The following SLC4A11 variants were observed in gnomAD, a reference collection of about 807,000 sequenced individuals.
The protein encoded by SLC4A11 is bicarbonate transporter related protein 1.
SLC4A11 carries 74 observed loss-of-function variants against 95.0 expected under a neutral mutation model. The ratio of observed to expected loss-of-function variants is 0.78; its 90% CI spans 0.65 to 0.95. SLC4A11 has a LOEUF of 0.95. Among genes scored for constraint, SLC4A11 ranks in the 40% least tolerant of loss-of-function variants. The probability of loss-of-function intolerance (pLI) is 0.00; values close to 1 mark genes in which losing one functional copy is unlikely to be tolerated. For synonymous variants in SLC4A11, 548 were observed against 519.0 expected (o/e 1.06, Z -0.76); for missense variants, 1,081 against 1,192.4 (o/e 0.91, Z 1.38).
At chr20:3,238,827 T>C in intron 1 of SLC4A11, 1 of 1,184,596 alleles carries the variant, frequency 8.4e-7, no homozygotes. Flanking sequence ...CTCGACCCGC[T>C]GCATCAGCTG....
intron 12 of SLC4A11, 67 bp from the exon 13 acceptor site, chr20:3,230,327 G>C: frequency 2.5e-6 from 4 of 1,591,116 alleles, no homozygotes; most frequent in South Asian, 2.2e-5. Context: ...AGGCCTCCCT[G>C]AGCCCCTGCA....
At chr20:3,236,537 C>T (rs949365294) in intron 2 of SLC4A11, among the ~76,000 whole-genome samples, 8 of 151,606 alleles carry the variant, frequency 5.3e-5, no homozygotes, top group Middle Eastern at 3.4e-3. Context: ...TGCAGTGAGC[C>T]GAGATCACAC....
At position 3,229,369 on chromosome 20, in the gene SLC4A11, G is replaced by T. The variant is rs768758410; in HGVS notation, c.1826C>A (p.Ser609Tyr). The T allele has an allele frequency of 6.2e-7, 1 of 1,613,344 alleles. No homozygotes were observed. The highest frequency in any genetic ancestry group is 1.1e-5 in the South Asian group (1 of 91,084). ...ACTCTCGATTTCCCGGAAGCCATGG[G>T]AGCTGATGAGGGAGAAGGCGAGCAC... ...IAVLAFSLIS[S>Y]HGFREIEMSK... Residue 609 changes from serine to tyrosine, a missense_variant, in exon 15 of 20, where the codon TCC becomes TAC. By Grantham distance (144) the Ser-to-Tyr change is moderately radical. Transcript: ENST00000642402.
In SLC4A11 at chr20:3,229,778, T is replaced by C. The variant is rs1430176022; in HGVS notation, c.1490-2A>G. The C allele has an allele frequency of 1.2e-6, 2 of 1,613,710 alleles. No individual in the cohort carries two copies. Among genetic ancestry groups the C allele is most frequent in the Non-Finnish European group, 8.5e-7 (1 of 1,179,982 alleles). On this transcript the variant is annotated splice_acceptor_variant, in intron 13 of 19. Transcript: ENST00000642402. LOFTEE classifies it high-confidence loss of function. ...GCCCATAGTAGTACTTCCAGAAGACTGTGGACACACACCCACAGGCCTCAG... is the reference window on the plus strand; with the variant it reads ...GCCCATAGTAGTACTTCCAGAAGACCGTGGACACACACCCACAGGCCTCAG...
At chr20:3,228,154 ATTCT>A in intron 19 of SLC4A11, 101 bp downstream of exon 19, 10 of 122,218 alleles carry the variant, frequency 8.2e-5, no homozygotes, top group Non-Finnish European at 1.6e-4. Context: ...CAACCCGCCC[ATTCT>A]CCGCCCCTAG....
Position 3,234,816 on chromosome 20 carries a change from T to G in SLC4A11, c.167A>C (p.Asn56Thr), listed in dbSNP as rs778688114. Reference sequence around the variant, plus strand: ...ACTCTCGCCAGACACGATGGAGGAGTTGGCAGTGTCGAAGGCCTCATCCCC... The same window carrying G: ...ACTCTCGCCAGACACGATGGAGGAGGTGGCAGTGTCGAAGGCCTCATCCCC... The part of the protein sequence containing the change: ...ILGDEAFDTA[N>T]SSIVSGESIR... The change falls in exon 3 of 20, where the codon AAC (asparagine) becomes ACC (threonine). Residue 56 changes from asparagine (N) to threonine (T), a missense_variant. Asn to Thr is a moderately conservative substitution (Grantham distance 65). Transcript: ENST00000642402. This position sits in a 1 kb window ranked among gnomAD's most constrained non-coding sequence, Gnocchi z 5.8. 2.3e-5 allele frequency: 37 copies of G among 1,612,930 alleles called. No homozygotes were observed. The East Asian group carries it at 2.7e-4, about 12-fold the overall frequency.
At position 3,234,168 on chromosome 20, in the gene SLC4A11, GTCCC is replaced by G; in HGVS notation, c.434_437del (p.Arg145ThrfsTer44). On this transcript the variant is annotated frameshift_variant, in exon 5 of 20. Transcript: ENST00000642402. LOFTEE classifies it high-confidence loss of function. The surrounding 1 kb of genome is among the most constrained non-coding windows in gnomAD (Gnocchi z 5.8). ...TGCAGTTGGGCTCATTGTTGTCAGG[GTCCC>G]TGGCGAAGCGGCGAAGCATGGTCCG... The G allele has an allele frequency of 6.2e-7, 1 of 1,614,112 alleles. No individual in the cohort carries two copies. The highest frequency in any genetic ancestry group is 2.2e-5 in the East Asian group (1 of 44,880).
At position 3,231,259 on chromosome 20, in the gene SLC4A11, A is replaced by G. The variant is rs747855141; in HGVS notation, c.949-17T>C. 6 of 1,613,358 alleles carry G rather than the reference A, an allele frequency of 3.7e-6. No individual in the cohort carries two copies. In the African/African-American group the frequency reaches 4.0e-5, roughly 11 times the overall value. On this transcript the variant is annotated splice_polypyrimidine_tract_variant and intron_variant, in intron 8 of 19. Coordinates refer to ENST00000642402, the MANE Select transcript of SLC4A11 (RefSeq NM_001174089.2). The surrounding 1 kb of genome is among the most constrained non-coding windows in gnomAD (Gnocchi z 5.2). ...CTTTGGGGGCTGGAGGAGAGGACAGAGCGCCTGTTAGCCCTGTCCGGCCCA... is the reference window on the plus strand; with the variant it reads ...CTTTGGGGGCTGGAGGAGAGGACAGGGCGCCTGTTAGCCCTGTCCGGCCCA...
intron 7 of SLC4A11, among the ~76,000 whole-genome samples, chr20:3,232,762 G>T (rs1314593720): frequency 6.6e-6 from 1 of 152,154 alleles, no homozygotes; most frequent in Non-Finnish European, 1.5e-5. Context: ...AACCCCAAAA[G>T]AACTAGTCCA....
At position 3,231,558 on chromosome 20, in the gene SLC4A11, G is replaced by A. The variant is rs1298653627; in HGVS notation, c.730-10C>T. On this transcript the variant is annotated splice_polypyrimidine_tract_variant and intron_variant, in intron 7 of 19. Coordinates refer to ENST00000642402, the MANE Select transcript of SLC4A11 (RefSeq NM_001174089.2). The surrounding 1 kb of genome is among the most constrained non-coding windows in gnomAD (Gnocchi z 5.2). ...CAGTCTTAGTGCTTTTCTAGGGGTG[G>A]AGGATGGGAGTCACCCCTAGAAACA... is the stretch of plus-strand genomic sequence containing the variant. The A allele has an allele frequency of 1.4e-5, 23 of 1,607,648 alleles. 1 individual carries two copies. The highest frequency in any genetic ancestry group is 5.0e-5 in the Admixed American group (3 of 59,652).
rs1568550076 is a variant in SLC4A11 at position 3,239,160 on chromosome 20, C to G, written c.-23G>C. 4.8e-6 allele frequency: 7 copies of G among 1,445,834 alleles called. No individual in the cohort carries two copies. In the South Asian group the frequency reaches 6.7e-5, roughly 14 times the overall value. 89.6% of individuals were successfully genotyped at this position (1,445,834 alleles called of 1,614,324 possible). A position where few individuals can be genotyped will look rare whatever the true frequency, so the allele number is the denominator to read the frequency against. On this transcript the variant is annotated 5_prime_UTR_variant, in exon 1 of 20. Coordinates refer to ENST00000642402, the MANE Select transcript of SLC4A11 (RefSeq NM_001174089.2). ...CATGGCACACTCGCGCACTCACGGC[C>G]GGGCTCCTCACGCGGCGCTCCGGCG...
Position 3,234,768 on chromosome 20 carries a change from T to G in SLC4A11, c.215A>C (p.Asn72Thr), listed in dbSNP as rs565360359. 8 of 1,613,628 alleles carry G rather than the reference T, an allele frequency of 5.0e-6. No homozygotes were observed. In the Admixed American group the frequency reaches 1.3e-4, roughly 27 times the overall value. Residue 72 changes from asparagine to threonine, a missense_variant, in exon 3 of 20, where the codon AAC becomes ACC. This residue lies in a region of SLC4A11 where 310 missense variants were observed against 313.5 expected (regional missense o/e 0.99). Coordinates refer to ENST00000642402, the MANE Select transcript of SLC4A11 (RefSeq NM_001174089.2). The surrounding 1 kb of genome is among the most constrained non-coding windows in gnomAD (Gnocchi z 5.8). ...AGTGTTGGTGGCCTGCATCTCAAGG[T>G]TGACATTGACAAAAAAACGGATACT... is the stretch of plus-strand genomic sequence containing the variant. ...GESIRFFVNV[N>T]LEMQATNTEN...
intron 7 of SLC4A11, among the ~76,000 whole-genome samples, chr20:3,232,024 C>G (rs569613982): frequency 1.3e-5 from 2 of 152,290 alleles, no homozygotes; most frequent in South Asian, 4.2e-4. Flanking sequence ...TCAACCAGGT[C>G]AGCAGATCAC....
In SLC4A11 at chr20:3,234,104, C is replaced by T. The variant is rs990142958; in HGVS notation, c.502G>A (p.Gly168Arg). Residue 168 changes from glycine to arginine, a missense_variant, in exon 5 of 20, where the codon GGG (glycine) becomes AGG (arginine). By Grantham distance (125) the Gly-to-Arg change is moderately radical. Coordinates refer to ENST00000642402, the MANE Select transcript of SLC4A11 (RefSeq NM_001174089.2). The surrounding 1 kb of genome is among the most constrained non-coding windows in gnomAD (Gnocchi z 5.8). Reference protein sequence around the residue: ...LLMAMLFTDAGAPMRGKVHLL... With the variant: ...LLMAMLFTDARAPMRGKVHLL... ...TCACCTTTACCCCGCATGGGTGCCC[C>T]GGCATCGGTGAAGAGCATGGCCATG... 7.4e-6 allele frequency: 12 copies of T among 1,613,888 alleles called. No individual in the cohort carries two copies. The highest frequency in any genetic ancestry group is 3.3e-5 in the South Asian group (3 of 91,090).
At position 3,237,571 on chromosome 20, in the gene SLC4A11, A is replaced by G. The variant is rs780336153; in HGVS notation, c.61T>C (p.Ser21Pro). 73 of 1,614,070 alleles carry G rather than the reference A, an allele frequency of 4.5e-5. No individual in the cohort carries two copies. In the Middle Eastern group the frequency reaches 9.9e-4, roughly 22 times the overall value. ...GAATCCTCGAAGTATCCATTCTGCG[A>G]CATGGTGGGAGAGTTTTCTGCAAGG... ...LQPCENSPTMSQNGYFEDSSY... is the reference protein window; with the variant it reads ...LQPCENSPTMPQNGYFEDSSY... Residue 21 changes from serine to proline, a missense_variant, in exon 2 of 20, where the codon TCG (serine) becomes CCG (proline). Ser to Pro is a moderately conservative substitution (Grantham distance 74, BLOSUM62 -1). Transcript: ENST00000642402.
intron 16 of SLC4A11, 35 bp downstream of exon 16, chr20:3,229,060 G>GCCCCCCCCCCCCCCCCCCCCCCCCCCCCC: frequency 6.5e-7 from 1 of 1,542,146 alleles, no homozygotes; most frequent in Non-Finnish European, 8.7e-7. Context: ...AGAGGCCCGG[G>GCCCCCCCCCCCCCCCCCCCCCCCCCCCCC]CCCCGCCCAC....
At chr20:3,239,018 C>A (rs901116099) in intron 1 of SLC4A11, 77 bp downstream of exon 1, 4 of 1,440,254 alleles carry the variant, frequency 2.8e-6, no homozygotes, top group African/African-American at 3.0e-5. Context: ...TCCGCGTTCT[C>A]CCCGGGGTCC....
chr20:3,238,528 A>T (rs1465755311), intron 1 of SLC4A11: 35 of 977,362 alleles, frequency 3.6e-5, no homozygotes, highest in Non-Finnish European at 3.8e-5. Context: ...GCCCACGTGC[A>T]GGTAAAGGGT....
rs755757066 is a variant in SLC4A11 at position 3,231,797 on chromosome 20, C to T, written c.730-249G>A. On this transcript the variant is annotated intron_variant, in intron 7 of 19. Transcript: ENST00000642402. The surrounding 1 kb of genome is among the most constrained non-coding windows in gnomAD (Gnocchi z 5.2). ...TCCCCTGAGTAGCTGGGACCACAGG[C>T]ACGCACCACCATGCCAGGCAATTTT... Among the ~76,000 whole-genome samples, 1 of 152,174 alleles carries T rather than the reference C, an allele frequency of 6.6e-6. No homozygotes were observed. Among genetic ancestry groups the T allele is most frequent in the African/African-American group, 2.4e-5 (1 of 41,434 alleles).
Sources: gnomAD v4.1 joint callset for allele counts (sites outside exome capture counted in the v4.1 genomes callset) on GRCh38, gnomAD v4.1.1 for gene constraint, gnomAD v4.1.1 regional missense constraint, Gnocchi (gnomAD v3.1) non-coding constraint, MANE v1.5 for transcripts, NCBI Gene and HGNC (gene_info 2026-07-23, HGNC 2026-07-21) for gene names.